The following UFD1 variants were observed in gnomAD, a reference collection of about 807,000 sequenced individuals.
UFD1 encodes the protein ubiquitin recognition factor in ER-associated degradation protein 1.
In UFD1, 13 loss-of-function variants were observed where a neutral mutation model predicts 45.9. The observed-to-expected ratio is 0.28, with a 90% CI of 0.18 to 0.45. The LOEUF (loss-of-function observed/expected upper bound fraction) is 0.45, where lower values mean the gene tolerates loss of function less well. Ranked by LOEUF, UFD1 falls within the 20% of genes least tolerant of loss-of-function variation. UFD1 has a pLI of 1.00. For missense variants in UFD1, 218 were observed against 389.2 expected (o/e 0.56, Z 3.70); for synonymous variants, 128 against 139.2 (o/e 0.92, Z 0.56).
chr22:19,470,208 C>T (rs1328852721), intron 4 of UFD1, among the ~76,000 whole-genome samples: 2 of 152,146 alleles, frequency 1.3e-5, no homozygotes, highest in East Asian at 1.9e-4. Flanking sequence ...AAAAGCCCCC[C>T]AACAGGCCAG....
intron 3 of UFD1, among the ~76,000 whole-genome samples, chr22:19,472,127 A>G (rs1394258676): frequency 7.0e-6 from 1 of 143,240 alleles, no homozygotes; most frequent in Admixed American, 7.3e-5. Context: ...TTCTAGTTTG[A>G]AGGTAGAAAC....
intron 1 of UFD1, 147 bp downstream of exon 1, chr22:19,478,936 C>T: frequency 9.0e-7 from 1 of 1,109,570 alleles, no homozygotes; most frequent in Non-Finnish European, 1.2e-6. Context: ...CTGCTTGTGC[C>T]CGGTGCGGCC....
At chr22:19,453,881 A>G in intron 11 of UFD1, 2 of 985,490 alleles carry the variant, frequency 2.0e-6, no homozygotes, top group East Asian at 1.1e-4. Flanking sequence ...CAAGGGTCCA[A>G]TCCTTTGAGA....
At chr22:19,474,946 A>C in intron 3 of UFD1, 122 bp downstream of exon 3, 1 of 1,029,878 alleles carries the variant, frequency 9.7e-7, no homozygotes. Flanking sequence ...CCCTCCACGG[A>C]CAATTCACAA....
chr22:19,450,910 A>G, intron 11 of UFD1, 166 bp from the exon 12 acceptor site: 1 of 1,421,930 alleles, frequency 7.0e-7, no homozygotes. Flanking sequence ...CCTAGGTGGG[A>G]GGATCACTTG....
At chr22:19,465,121 TAAA>T (rs1279915258) in intron 6 of UFD1, 78 bp downstream of exon 6, 11 of 1,370,198 alleles carry the variant, frequency 8.0e-6, no homozygotes, top group Admixed American at 6.7e-5. Flanking sequence ...ATACGCTGCT[TAAA>T]AAGAAGCCCC....
At chr22:19,467,668 ACAGAGGTGGCC>A in intron 5 of UFD1, 194 bp downstream of exon 5, 1 of 741,280 alleles carries the variant, frequency 1.3e-6, no homozygotes, top group South Asian at 1.9e-5. Context: ...CTGGAAAGTG[ACAGAGGTGGCC>A]CAGACAGCAC....
intron 6 of UFD1, among the ~76,000 whole-genome samples, chr22:19,463,245 C>T (rs146588956): frequency 1.3e-5 from 2 of 152,336 alleles, no homozygotes; most frequent in African/African-American, 4.8e-5. Context: ...ATCTCAAGCT[C>T]TCATATGTTC....
intron 6 of UFD1, among the ~76,000 whole-genome samples, chr22:19,460,038 G>A (rs5748214): frequency 0.03 from 4,527 of 151,920 alleles, 147 homozygotes; most frequent in South Asian, 0.13. Flanking sequence ...TGCCCGGCCA[G>A]TATGTCTTGC....
chr22:19,478,753 T>C (rs1200705771), intron 1 of UFD1: 2 of 414,912 alleles, frequency 4.8e-6, no homozygotes, highest in African/African-American at 4.3e-5. Context: ...CCAGCAACCT[T>C]GCAACTAACT....
intron 6 of UFD1, among the ~76,000 whole-genome samples, chr22:19,463,745 G>C (rs5748219): frequency 0.52 from 79,048 of 152,084 alleles, 20,696 homozygotes; most frequent in South Asian, 0.61. Flanking sequence ...AGCTTAGAGT[G>C]TTTAAAATTC....
intron 4 of UFD1, among the ~76,000 whole-genome samples, chr22:19,470,345 T>C (rs1156597245): frequency 6.6e-6 from 1 of 152,060 alleles, no homozygotes; most frequent in African/African-American, 2.4e-5. Context: ...GGAAGGACCC[T>C]GGGACCCAGG....
chr22:19,469,044 T>G, intron 4 of UFD1, among the ~76,000 whole-genome samples: 1 of 152,114 alleles, frequency 6.6e-6, no homozygotes, highest in East Asian at 1.9e-4. Flanking sequence ...TGGATAGGCT[T>G]GCAGAGGACC....
intron 11 of UFD1, chr22:19,452,989 AT>A: frequency 1.0e-6 from 1 of 965,110 alleles, no homozygotes; most frequent in Non-Finnish European, 1.2e-6. Flanking sequence ...TTCCCTGATG[AT>A]TTCTGCTCCT....
At chr22:19,460,079 TCCCA>T (rs1248616646) in intron 6 of UFD1, among the ~76,000 whole-genome samples, 1 of 151,900 alleles carries the variant, frequency 6.6e-6, no homozygotes. Context: ...GTCTGGATAG[TCCCA>T]CCATTTAAAA....
chr22:19,468,588 A>G (rs1200721179), intron 4 of UFD1, among the ~76,000 whole-genome samples: 1 of 152,210 alleles, frequency 6.6e-6, no homozygotes, highest in African/African-American at 2.4e-5. Context: ...GCCCATGAGT[A>G]CTGGGTGTGC....
intron 1 of UFD1, 51 bp from the exon 2 acceptor site, chr22:19,475,653 T>C (rs746607113): frequency 1.9e-5 from 30 of 1,603,298 alleles, no homozygotes; most frequent in Non-Finnish European, 2.5e-5. Flanking sequence ...CATTTCTTCA[T>C]GTCAAAAGCC....
intron 3 of UFD1, among the ~76,000 whole-genome samples, chr22:19,473,215 C>A (rs1432942248): frequency 6.6e-6 from 1 of 152,184 alleles, no homozygotes; most frequent in African/African-American, 2.4e-5. Context: ...GAGATTGTTG[C>A]AAGTGAAAGA....
At chr22:19,466,968 C>T (rs1358054052) in intron 5 of UFD1, 1 of 152,250 alleles carries the variant, frequency 6.6e-6, no homozygotes, top group Non-Finnish European at 1.5e-5. Context: ...CATAGGACAT[C>T]CCCCTGCCTG....
Sources: gnomAD v4.1 joint callset for allele counts (sites outside exome capture counted in the v4.1 genomes callset) on GRCh38, gnomAD v4.1.1 for gene constraint, MANE v1.5 for transcripts, NCBI Gene and HGNC (gene_info 2026-07-23, HGNC 2026-07-21) for gene names.